Variants in DSCAM observed in about 807,000 individuals in gnomAD.
DSCAM encodes cell adhesion molecule DSCAM.
In DSCAM, 47 loss-of-function variants were observed where a neutral mutation model predicts 217.7. The observed-to-expected ratio is 0.22, with a 90% CI of 0.17 to 0.28. The LOEUF is 0.28. DSCAM is among the 10% of genes least tolerant of loss of function. DSCAM has a pLI of 1.00. For missense variants in DSCAM, 2,080 were observed against 2,618.3 expected (o/e 0.79, Z 4.49); for synonymous variants, 1,056 against 1,015.3 (o/e 1.04, Z -0.76).
intron 3 of DSCAM, among the ~76,000 whole-genome samples, chr21:40,552,598 A>G (rs1258777975): frequency 6.6e-6 from 1 of 152,186 alleles, no homozygotes; most frequent in African/African-American, 2.4e-5. Flanking sequence ...CACCTATTCT[A>G]TCTCAGCTAT....
At chr21:40,709,712 G>C (rs529596142) in intron 1 of DSCAM, among the ~76,000 whole-genome samples, 2 of 152,168 alleles carry the variant, frequency 1.3e-5, no homozygotes, top group Non-Finnish European at 2.9e-5. Context: ...GTGTGTATGT[G>C]CCACATTTTC....
At position 40,084,026 on chromosome 21, in the gene DSCAM, T is replaced by C. The variant is rs1273153621; in HGVS notation, c.4133-20A>G. 2 of 1,591,440 alleles carry C rather than the reference T, an allele frequency of 1.3e-6. No individual in the cohort carries two copies. Among genetic ancestry groups the C allele is most frequent in the Non-Finnish European group, 8.6e-7 (1 of 1,166,636 alleles). Reference sequence around the variant, plus strand: ...GTGGAACTGGAGAGGAAACAGTTTTTAGAAAACAAGAATTAGTTTTTCACA... The same window carrying C: ...GTGGAACTGGAGAGGAAACAGTTTTCAGAAAACAAGAATTAGTTTTTCACA... On this transcript the variant is annotated intron_variant, in intron 23 of 32. Coordinates refer to ENST00000400454, the MANE Select transcript of DSCAM (RefSeq NM_001389.5).
rs569496604 is a variant in DSCAM, at chr21:40,664,551, T to C, written c.508+28259A>G. 4.6e-5 allele frequency among the ~76,000 whole-genome samples: 7 copies of C among 152,270 alleles called. No homozygotes were observed. In the South Asian group the frequency reaches 1.4e-3, roughly 32 times the overall value. ...CAAGGAAAGTCAGCTGTGCCGAGAATTGCATTGCAAATTCATTCCACGCGT... is the reference window on the plus strand; with the variant it reads ...CAAGGAAAGTCAGCTGTGCCGAGAACTGCATTGCAAATTCATTCCACGCGT... On this transcript the variant is annotated intron_variant, in intron 3 of 32. Coordinates refer to ENST00000400454, the MANE Select transcript of DSCAM (RefSeq NM_001389.5).
chr21:40,780,413 G>GTATATATATATA (rs1196794146), intron 1 of DSCAM, among the ~76,000 whole-genome samples: 33 of 45,100 alleles, frequency 7.3e-4, no homozygotes, highest in Admixed American at 1.2e-3. Context: ...GTGTGTGTGT[G>GTATATATATATA]TGTGTGTGTG....
intron 3 of DSCAM, among the ~76,000 whole-genome samples, chr21:40,671,692 C>CAAAAAAA (rs71330402): frequency 5.5e-5 from 6 of 108,954 alleles, no homozygotes; most frequent in African/African-American, 2.2e-4. Context: ...ATTCCTTAAA[C>CAAAAAAA]AAAAAAAAAA....
chr21:40,835,230 T>C (rs1326328116), intron 1 of DSCAM, among the ~76,000 whole-genome samples: 2 of 152,226 alleles, frequency 1.3e-5, no homozygotes, highest in African/African-American at 2.4e-5. Context: ...GAAATATTTA[T>C]GCCCTTTCCG....
At chr21:40,161,906 A>T (rs1219555303) in intron 16 of DSCAM, among the ~76,000 whole-genome samples, 4 of 152,172 alleles carry the variant, frequency 2.6e-5, no homozygotes, top group African/African-American at 9.7e-5. Flanking sequence ...TTGATATAGG[A>T]AAAAAGGGTG....
At chr21:40,302,539 GGGA>G (rs1352517330) in intron 9 of DSCAM, among the ~76,000 whole-genome samples, 6 of 152,114 alleles carry the variant, frequency 3.9e-5, no homozygotes, top group African/African-American at 1.4e-4. Context: ...TTTTCTGGTA[GGGA>G]GGAAGAGTAA....
In DSCAM at chr21:40,229,621, T is replaced by A. The variant is rs561186871; in HGVS notation, c.2357-40383A>T. ...GGAGTCATAGAGTATCCAGCCTTCT[T>A]AGACTGGCTTCTTTCCCTTAATATG... On this transcript the variant is annotated intron_variant, in intron 11 of 32. Transcript: ENST00000400454. Among the ~76,000 whole-genome samples, 11 of 152,332 alleles carry A rather than the reference T, an allele frequency of 7.2e-5. No individual in the cohort carries two copies. In the East Asian group the frequency reaches 2.1e-3, roughly 29 times the overall value.
chr21:40,295,925 T>A, intron 10 of DSCAM, 130 bp downstream of exon 10: 2 of 1,152,588 alleles, frequency 1.7e-6, no homozygotes, highest in Non-Finnish European at 2.4e-6. Flanking sequence ...GAGAGAATGA[T>A]AGGCTTGGTG....
intron 3 of DSCAM, among the ~76,000 whole-genome samples, chr21:40,381,557 G>A (rs2075025825): frequency 6.6e-6 from 1 of 152,194 alleles, no homozygotes. Flanking sequence ...CAGTGACTAT[G>A]CTTACCTGGT....
chr21:40,309,013 TCTC>T (rs1467766486), intron 9 of DSCAM, among the ~76,000 whole-genome samples: 1 of 152,092 alleles, frequency 6.6e-6, no homozygotes, highest in African/African-American at 2.4e-5. Context: ...CCTGTAATAA[TCTC>T]CTCTTTATCT....
At chr21:40,142,409 G>C (rs1384799486) in intron 18 of DSCAM, 149 bp downstream of exon 18, 1 of 855,382 alleles carries the variant, frequency 1.2e-6, no homozygotes. Context: ...TCAAATGTCA[G>C]ATGAGGGATG....
At chr21:40,772,168 TTC>T (rs1464907310) in intron 1 of DSCAM, among the ~76,000 whole-genome samples, 2 of 152,114 alleles carry the variant, frequency 1.3e-5, no homozygotes, top group Non-Finnish European at 2.9e-5. Context: ...AGTGATTTGT[TTC>T]TGTTTTTTTC....
intron 4 of DSCAM, among the ~76,000 whole-genome samples, chr21:40,357,900 T>C (rs1380748266): frequency 1.3e-5 from 2 of 152,042 alleles, no homozygotes; most frequent in Non-Finnish European, 2.9e-5. Flanking sequence ...AATATAATGA[T>C]AGCTCTCGTT....
At chr21:40,387,901 T>C (rs2075101207) in intron 3 of DSCAM, among the ~76,000 whole-genome samples, 1 of 152,010 alleles carries the variant, frequency 6.6e-6, no homozygotes. Flanking sequence ...ACATAAATAT[T>C]TATATTAGAC....
chr21:40,072,653 T>C (rs1353910356), intron 27 of DSCAM, among the ~76,000 whole-genome samples: 2 of 152,168 alleles, frequency 1.3e-5, no homozygotes, highest in East Asian at 3.9e-4. Flanking sequence ...CGGCCTCTCC[T>C]GTCAGATTCT....
At chr21:40,611,669 T>C (rs1265393075) in intron 3 of DSCAM, among the ~76,000 whole-genome samples, 1 of 152,216 alleles carries the variant, frequency 6.6e-6, no homozygotes, top group East Asian at 1.9e-4. Context: ...GGTTGGCTAA[T>C]GTAATGTTGA....
chr21:40,754,817 G>A (rs1411244231), intron 1 of DSCAM, among the ~76,000 whole-genome samples: 1 of 152,218 alleles, frequency 6.6e-6, no homozygotes, highest in Non-Finnish European at 1.5e-5. Flanking sequence ...GGAGTTGATG[G>A]CAGCCATTGC....
Sources: allele counts gnomAD v4.1 joint callset (sites outside exome capture counted in the v4.1 genomes callset), GRCh38; gene constraint gnomAD v4.1.1; transcripts MANE v1.5; gene names NCBI Gene and HGNC (gene_info 2026-07-23, HGNC 2026-07-21).